Variants in DCHS2 observed in about 807,000 individuals in gnomAD.
DCHS2 encodes dachsous cadherin-related 2.
In DCHS2, 142 loss-of-function variants were observed where a neutral mutation model predicts 182.4. That is an observed-to-expected ratio of 0.78 (90% CI 0.68 to 0.89). The LOEUF (loss-of-function observed/expected upper bound fraction) is 0.89. Among genes scored for constraint, DCHS2 ranks in the 40% least tolerant of loss-of-function variants. The pLI, the probability that DCHS2 is intolerant of heterozygous loss-of-function variation, is 0.00. For missense variants in DCHS2, 4,319 were observed against 4,198.6 expected (o/e 1.03, Z -0.79); for synonymous variants, 1,740 against 1,663.3 (o/e 1.05, Z -1.12).
At chr4:154,242,514 CAA>C in intron 17 of DCHS2, 126 bp downstream of exon 17, 1 of 1,323,150 alleles carries the variant, frequency 7.6e-7, no homozygotes, top group Non-Finnish European at 9.8e-7. Context: ...AAAATGAAGA[CAA>C]AAATGATCTA....
chr4:154,348,396 G>C (rs531721802), intron 3 of DCHS2, among the ~76,000 whole-genome samples: 1 of 152,082 alleles, frequency 6.6e-6, no homozygotes, highest in South Asian at 2.1e-4. Context: ...GGCAATAATT[G>C]AGAAAAGAAT....
At chr4:154,427,202 AG>A (rs1733366898) in intron 1 of DCHS2, among the ~76,000 whole-genome samples, 1 of 152,236 alleles carries the variant, frequency 6.6e-6, no homozygotes, top group Non-Finnish European at 1.5e-5. Flanking sequence ...TGATAAATTA[AG>A]TCTAGCCTAA....
chr4:154,356,432 A>T (rs1320167895), intron 3 of DCHS2, among the ~76,000 whole-genome samples: 1 of 152,194 alleles, frequency 6.6e-6, no homozygotes, highest in Non-Finnish European at 1.5e-5. Flanking sequence ...AAGAAATTTG[A>T]TGTAGCCTAA....
At chr4:154,286,156 A>C (rs1461562545) in intron 13 of DCHS2, among the ~76,000 whole-genome samples, 1 of 151,912 alleles carries the variant, frequency 6.6e-6, no homozygotes, top group Non-Finnish European at 1.5e-5. Context: ...CCTAATGCAG[A>C]TATGACTGCA....
chr4:154,417,158 A>AGTGTGTGTGT (rs778940410), intron 1 of DCHS2, among the ~76,000 whole-genome samples: 5 of 80,034 alleles, frequency 6.2e-5, no homozygotes, highest in African/African-American at 1.5e-4. Context: ...GCCGGTCCCG[A>AGTGTGTGTGT]GTGTGTGTGT....
chr4:154,343,406 G>A, intron 3 of DCHS2: 2 of 1,291,494 alleles, frequency 1.5e-6, no homozygotes, highest in Non-Finnish European at 2.0e-6. Context: ...GTCCTAGATG[G>A]CATCTTATTT....
intron 1 of DCHS2, among the ~76,000 whole-genome samples, chr4:154,451,867 G>C (rs1005068617): frequency 5.3e-5 from 8 of 152,240 alleles, no homozygotes; most frequent in African/African-American, 1.9e-4. Context: ...GTCAGGGGAA[G>C]AGATATGTGG....
intron 1 of DCHS2, among the ~76,000 whole-genome samples, chr4:154,427,749 A>G (rs1169077525): frequency 6.6e-6 from 1 of 152,214 alleles, no homozygotes; most frequent in Non-Finnish European, 1.5e-5. Context: ...CTGAGCTAGA[A>G]AGAGTGGGTC....
chr4:154,326,014 G>A (rs931515389), intron 7 of DCHS2, among the ~76,000 whole-genome samples: 2 of 152,072 alleles, frequency 1.3e-5, no homozygotes, highest in African/African-American at 2.4e-5. Context: ...ATAGTATTCC[G>A]TGAATATACC....
rs1402716656 is a variant in DCHS2, at chr4:154,234,515, G to A, written c.*21C>T. On this transcript the variant is annotated 3_prime_UTR_variant, in exon 20 of 20. Coordinates refer to ENST00000357232, the MANE Select transcript of DCHS2 (RefSeq NM_001358235.2). ...TTCATTCATGACCAATGGTGAGCAG[G>A]TACTTGGCATCCCAGTGGTTTCATA... 2 of 1,583,302 alleles carry A rather than the reference G, an allele frequency of 1.3e-6. No homozygotes were observed. The highest frequency in any genetic ancestry group is 1.3e-5 in the African/African-American group (1 of 74,218).
intron 10 of DCHS2, among the ~76,000 whole-genome samples, chr4:154,311,779 G>T (rs1450165569): frequency 1.3e-5 from 2 of 152,050 alleles, no homozygotes; most frequent in Non-Finnish European, 2.9e-5. Context: ...TGGAATAAAT[G>T]TATTAATAGA....
At chr4:154,363,448 A>C (rs79873491) in intron 3 of DCHS2, among the ~76,000 whole-genome samples, 6,749 of 152,280 alleles carry the variant, frequency 0.044, 193 homozygotes, top group Non-Finnish European at 0.069. Context: ...TGCTAAATAA[A>C]TAAGCCAGGC....
At chr4:154,417,190 TGTGTGTGTGTGTGTGA>T (rs1364645576) in intron 1 of DCHS2, among the ~76,000 whole-genome samples, 15 of 109,564 alleles carry the variant, frequency 1.4e-4, no homozygotes, top group African/African-American at 4.8e-4. Context: ...TGTGTGTGTG[TGTGTGTGTGTGTGTGA>T]GAGAGAGAGA....
In DCHS2 at chr4:154,332,536, TC is replaced by T; in HGVS notation, c.3671del (p.Gly1224AspfsTer16). 2 of 1,614,210 alleles carry T rather than the reference TC, an allele frequency of 1.2e-6. No homozygotes were observed. Among genetic ancestry groups the T allele is most frequent in the Non-Finnish European group, 1.7e-6 (2 of 1,180,026 alleles). On this transcript the variant is annotated frameshift_variant, in exon 5 of 20. Coordinates refer to ENST00000357232, the MANE Select transcript of DCHS2 (RefSeq NM_001358235.2). LOFTEE classifies it high-confidence loss of function. ...TAIDMDSGKN[G>X]QLLYFLLSDG... Reference sequence around the variant, plus strand: ...CAGACAAAAGGAAATATAATAGCTGTCCATTCTTTCCAGAGTCCATGTCAAT... The same window carrying T: ...CAGACAAAAGGAAATATAATAGCTGTCATTCTTTCCAGAGTCCATGTCAAT...
intron 16 of DCHS2, among the ~76,000 whole-genome samples, chr4:154,248,045 T>C (rs946401062): frequency 6.6e-5 from 10 of 152,120 alleles, no homozygotes; most frequent in African/African-American, 2.4e-4. Flanking sequence ...GAGGGCTTGA[T>C]AGAATATTTG....
chr4:154,319,098 G>T (rs1047480574), intron 9 of DCHS2, among the ~76,000 whole-genome samples: 2 of 152,134 alleles, frequency 1.3e-5, no homozygotes, highest in South Asian at 4.2e-4. Context: ...TTCGAAAAAG[G>T]CTAATCTCTT....
At chr4:154,342,441 G>T (rs1729152365) in intron 3 of DCHS2, among the ~76,000 whole-genome samples, 1 of 152,128 alleles carries the variant, frequency 6.6e-6, no homozygotes, top group Non-Finnish European at 1.5e-5. Context: ...AATGCTATTT[G>T]CTAATAGTTT....
rs56277131 is a variant in DCHS2, at chr4:154,320,522, G to A, written c.4877C>T (p.Ala1626Val). ...HNPTFISFPN[A>V]HVKEDVTVGS... is the part of the protein sequence containing the mutation. The stretch of plus-strand genomic sequence containing the variant: ...CACTGTGACATCCTCTTTGACATGG[G>A]CATTGGGGAAAGAAATAAAAGTGGG... Residue 1626 changes from alanine (A) to valine (V), a missense_variant, in exon 9 of 20, where the codon GCC (alanine) becomes GTC (valine). Ala to Val is a moderately conservative substitution (Grantham distance 64). Coordinates refer to ENST00000357232, the MANE Select transcript of DCHS2 (RefSeq NM_001358235.2). 1.1e-3 allele frequency: 1,743 copies of A among 1,614,016 alleles called. 14 individuals carry two copies. The African/African-American group carries it at 0.02, about 19-fold the overall frequency.
chr4:154,235,147 G>A lies in DCHS2; in HGVS notation c.9505C>T (p.Gln3169Ter). Residue 3169 changes from glutamine to a stop codon, truncating the protein, a stop_gained, in exon 20 of 20, where the codon CAA (glutamine) becomes TAA (stop). Coordinates refer to ENST00000357232, the MANE Select transcript of DCHS2 (RefSeq NM_001358235.2). LOFTEE classifies it low-confidence loss of function (END_TRUNC). Reference protein sequence around the residue: ...EASQTFGEGDQGEGCSTTCAQ... With the variant: ...EASQTFGEGD Reference sequence around the variant, plus strand: ...CAGGTGGTGCTGCAGCCTTCCCCTTGATCTCCTTCCCCAAATGTTTGGCTG... The same window carrying A: ...CAGGTGGTGCTGCAGCCTTCCCCTTAATCTCCTTCCCCAAATGTTTGGCTG... 6.2e-7 allele frequency: 1 copy of A among 1,613,980 alleles called. No individual in the cohort carries two copies. The highest frequency in any genetic ancestry group is 1.3e-5 in the African/African-American group (1 of 75,024).
Sources: allele counts gnomAD v4.1 joint callset (sites outside exome capture counted in the v4.1 genomes callset), GRCh38; gene constraint gnomAD v4.1.1; transcripts MANE v1.5; gene names NCBI Gene and HGNC (gene_info 2026-07-23, HGNC 2026-07-21).